ALK: variants seen among roughly 807,000 people sequenced by gnomAD.
The protein encoded by ALK is ALK tyrosine kinase receptor.
A neutral mutation model predicts 163.1 loss-of-function variants in ALK; 74 were observed. The observed-to-expected ratio is 0.45, with a 90% CI of 0.38 to 0.55. The LOEUF (loss-of-function observed/expected upper bound fraction) is 0.55. Among genes scored for constraint, ALK ranks in the 20% least tolerant of loss-of-function variants. The pLI, the probability that ALK is intolerant of heterozygous loss-of-function variation, is 0.00. For missense variants in ALK, 2,063 were observed against 2,105.3 expected (o/e 0.98, Z 0.39); for synonymous variants, 960 against 843.2 (o/e 1.14, Z -2.40).
chr2:29,555,159 G>A lies in ALK; in HGVS notation c.953-23043C>T, dbSNP rs575487766. Among the ~76,000 whole-genome samples, 5 of 152,180 alleles carry A rather than the reference G, an allele frequency of 3.3e-5. No individual in the cohort carries two copies. In the South Asian group the frequency reaches 1.0e-3, roughly 32 times the overall value. On this transcript the variant is annotated intron_variant, in intron 3 of 28. Transcript: ENST00000389048. ...TATGGACTCACCCTGAATTCTTCTT[G>A]TATGAGATCTGAGAACCCTCTCTTG...
chr2:29,214,598 G>T (rs891617114), intron 23 of ALK, among the ~76,000 whole-genome samples: 1 of 152,276 alleles, frequency 6.6e-6, no homozygotes, highest in East Asian at 1.9e-4. Context: ...AAAAAGAAAA[G>T]CTTTTGGGAA....
intron 3 of ALK, among the ~76,000 whole-genome samples, chr2:29,595,557 T>G (rs1675189495): frequency 6.6e-6 from 1 of 152,124 alleles, no homozygotes; most frequent in Admixed American, 6.5e-5. Context: ...CCTGACCTCA[T>G]GATCCGCCCG....
intron 3 of ALK, among the ~76,000 whole-genome samples, chr2:29,540,592 TAAAAAAAAAAAACCCTATAGG>T (rs1673387944): frequency 2.1e-5 from 3 of 143,016 alleles, no homozygotes; most frequent in African/African-American, 2.6e-5. Context: ...TTTTTTTTTT[TAAAAAAAAAAAACCCTATAGG>T]TTTTTCTCCT....
intron 12 of ALK, among the ~76,000 whole-genome samples, chr2:29,247,006 G>A (rs958528340): frequency 9.2e-5 from 14 of 152,194 alleles, no homozygotes; most frequent in Non-Finnish European, 1.6e-4. Context: ...GCTCACCGCA[G>A]GCTCTGGCCA....
chr2:29,409,302 T>C (rs1222107886), intron 4 of ALK, among the ~76,000 whole-genome samples: 1 of 152,190 alleles, frequency 6.6e-6, no homozygotes, highest in East Asian at 1.9e-4. Context: ...TTCTCTAAGA[T>C]CATCTTTGAC....
At position 29,458,015 on chromosome 2, in the gene ALK, C is replaced by T. The variant is rs181226510; in HGVS notation, c.1154+73900G>A. 1.5e-3 allele frequency among the ~76,000 whole-genome samples: 229 copies of T among 152,124 alleles called. 1 individual carries two copies. The highest frequency in any genetic ancestry group is 1.9e-4 in the East Asian group (1 of 5,170). ...ACCAATAGCCTTTGTGAAAGCTTACCGGTGTGCTTAGCTTATAGGAAAAAA... is the reference window on the plus strand; with the variant it reads ...ACCAATAGCCTTTGTGAAAGCTTACTGGTGTGCTTAGCTTATAGGAAAAAA... On this transcript the variant is annotated intron_variant, in intron 4 of 28. Coordinates refer to ENST00000389048, the MANE Select transcript of ALK (RefSeq NM_004304.5).
intron 1 of ALK, among the ~76,000 whole-genome samples, chr2:29,854,852 A>G (rs1249670525): frequency 2.6e-5 from 4 of 152,190 alleles, no homozygotes; most frequent in Admixed American, 6.5e-5. Flanking sequence ...AAATTCATTG[A>G]TGTGCGTGCA....
chr2:29,694,901 T>A lies in ALK; in HGVS notation c.901A>T (p.Met301Leu), dbSNP rs754427541. The A allele has an allele frequency of 6.2e-7, 1 of 1,614,054 alleles. No homozygotes were observed. Among genetic ancestry groups the A allele is most frequent in the South Asian group, 1.1e-5 (1 of 91,076 alleles). ...RRIPSEEASQ[M>L]DLLDGPGAER... ...GCCCCAGGCCCATCCAGCAAGTCCA[T>A]CTGGGAGGCCTCCTCGGAGGGGATG... is the stretch of plus-strand genomic sequence containing the variant. Residue 301 changes from methionine to leucine, a missense_variant, in exon 3 of 29, where the codon ATG (methionine) becomes TTG (leucine). Around this residue, in one of 5 missense-constraint regions of ALK, gnomAD observed 987 missense variants for 939.5 expected, o/e 1.05. Coordinates refer to ENST00000389048, the MANE Select transcript of ALK (RefSeq NM_004304.5).
intron 3 of ALK, among the ~76,000 whole-genome samples, chr2:29,578,254 C>A (rs536160949): frequency 3.9e-5 from 6 of 152,312 alleles, no homozygotes; most frequent in Admixed American, 2.6e-4. Flanking sequence ...CCCCTCCTTG[C>A]CTTTCACCAT....
chr2:29,640,747 G>C (rs534989640), intron 3 of ALK, among the ~76,000 whole-genome samples: 1 of 152,120 alleles, frequency 6.6e-6, no homozygotes, highest in African/African-American at 2.4e-5. Context: ...TACTATTAGT[G>C]GGGGAAGAAA....
chr2:29,720,415 A>G (rs1378052319), intron 1 of ALK, among the ~76,000 whole-genome samples: 1 of 152,138 alleles, frequency 6.6e-6, no homozygotes, highest in Non-Finnish European at 1.5e-5. Context: ...ACTTGCCCTT[A>G]CAGGAACTCC....
At chr2:29,781,375 C>T (rs1681327026) in intron 1 of ALK, among the ~76,000 whole-genome samples, 1 of 152,206 alleles carries the variant, frequency 6.6e-6, no homozygotes, top group African/African-American at 2.4e-5. Flanking sequence ...CTGGGCTTCT[C>T]CCAGGCTTAC....
intron 6 of ALK, among the ~76,000 whole-genome samples, chr2:29,322,520 C>T (rs576067279): frequency 3.3e-5 from 5 of 152,366 alleles, no homozygotes; most frequent in Admixed American, 2.6e-4. Context: ...CATGGAGTGT[C>T]CTTCACAAGT....
rs139989665 is a variant in ALK, at chr2:29,501,709, T to C, written c.1154+30206A>G. On this transcript the variant is annotated intron_variant, in intron 4 of 28. Transcript: ENST00000389048. ...GGTAAAATATCCATAACATAAAATA[T>C]ACCAGCTCAACCATTTAAAGTATAC... 4.1e-3 allele frequency among the ~76,000 whole-genome samples: 627 copies of C among 152,360 alleles called. 4 individuals carry two copies. Among genetic ancestry groups the C allele is most frequent in the African/African-American group, 0.015 (605 of 41,586 alleles).
intron 1 of ALK, among the ~76,000 whole-genome samples, chr2:29,791,562 G>A (rs1459863974): frequency 6.6e-6 from 1 of 152,074 alleles, no homozygotes; most frequent in Non-Finnish European, 1.5e-5. Context: ...AACCACCATG[G>A]CATGTGTATA....
At chr2:29,734,293 A>G (rs1679830205) in intron 1 of ALK, among the ~76,000 whole-genome samples, 1 of 152,222 alleles carries the variant, frequency 6.6e-6, no homozygotes, top group Non-Finnish European at 1.5e-5. Context: ...GCTCTGAGTA[A>G]TTATGGAGAT....
chr2:29,829,652 G>A (rs1665307190), intron 1 of ALK, among the ~76,000 whole-genome samples: 1 of 148,362 alleles, frequency 6.7e-6, no homozygotes, highest in South Asian at 2.1e-4. Flanking sequence ...TTTCACCTAA[G>A]GGGGGTAAAA....
intron 5 of ALK, among the ~76,000 whole-genome samples, chr2:29,341,978 T>C (rs544948904): frequency 1.3e-5 from 2 of 152,330 alleles, no homozygotes; most frequent in African/African-American, 4.8e-5. Context: ...GAAAACTGGA[T>C]GATAGGCAGG....
chr2:29,644,649 T>G (rs1676821586), intron 3 of ALK, among the ~76,000 whole-genome samples: 1 of 152,120 alleles, frequency 6.6e-6, no homozygotes, highest in Non-Finnish European at 1.5e-5. Flanking sequence ...TTATGCTTGC[T>G]GATCATTTAT....
Sources: allele counts gnomAD v4.1 joint callset (sites outside exome capture counted in the v4.1 genomes callset), GRCh38; gene constraint gnomAD v4.1.1; regional missense constraint gnomAD v4.1.1; transcripts MANE v1.5; gene names NCBI Gene and HGNC (gene_info 2026-07-23, HGNC 2026-07-21).